The following ALPK1 variants were observed in gnomAD, a reference collection of about 807,000 sequenced individuals.
ALPK1 encodes alpha kinase 1, also known as alpha-protein kinase 1.
ALPK1 carries 110 observed loss-of-function variants against 120.6 expected under a neutral mutation model. That is an observed-to-expected ratio of 0.91 (90% CI 0.78 to 1.07). The LOEUF is 1.07. Ranked by LOEUF, ALPK1 falls within the 50% of genes least tolerant of loss-of-function variation. The probability of loss-of-function intolerance (pLI) is 0.00; values close to 1 mark genes in which losing one functional copy is unlikely to be tolerated. For synonymous variants in ALPK1, 582 were observed against 560.3 expected (o/e 1.04, Z -0.55); for missense variants, 1,498 against 1,483.9 (o/e 1.01, Z -0.16).
At chr4:112,423,804 A>G (rs1734108480) in intron 5 of ALPK1, 140 bp from the exon 6 acceptor site, 1 of 815,358 alleles carries the variant, frequency 1.2e-6, no homozygotes, top group Non-Finnish European at 2.1e-6. Flanking sequence ...GTCATTGTTG[A>G]TTTTAAATTA....
intron 3 of ALPK1, among the ~76,000 whole-genome samples, chr4:112,381,437 G>A (rs1731899222): frequency 6.6e-6 from 1 of 152,166 alleles, no homozygotes; most frequent in African/African-American, 2.4e-5. Context: ...TTTATAGCTG[G>A]CAGTCATATA....
chr4:112,438,587 A>G lies in ALPK1; in HGVS notation c.3292A>G (p.Arg1098Gly). The stretch of plus-strand genomic sequence containing the variant: ...GCACTATGTGACAGAATTTAACAAG[A>G]GACTCTATGAACAAAACATTCCCAC... Reference protein sequence around the residue: ...AQHYVTEFNKRLYEQNIPTQI... With the variant: ...AQHYVTEFNKGLYEQNIPTQI... The change falls in exon 13 of 16, where the codon AGA (arginine) becomes GGA (glycine). Residue 1098 changes from arginine to glycine, a missense_variant. Coordinates refer to ENST00000650871, the MANE Select transcript of ALPK1 (RefSeq NM_025144.4). 6.2e-7 allele frequency: 1 copy of G among 1,613,938 alleles called. No homozygotes were observed. The highest frequency in any genetic ancestry group is 8.5e-7 in the Non-Finnish European group (1 of 1,179,828).
At chr4:112,331,076 C>T (rs150354856) in intron 2 of ALPK1, among the ~76,000 whole-genome samples, 3 of 152,250 alleles carry the variant, frequency 2.0e-5, no homozygotes, top group African/African-American at 2.4e-5. Context: ...ACTATGCTGG[C>T]GTTTCAAGCA....
At chr4:112,391,243 G>A (rs1318729598) in intron 4 of ALPK1, among the ~76,000 whole-genome samples, 4 of 152,118 alleles carry the variant, frequency 2.6e-5, no homozygotes, top group African/African-American at 2.4e-5. Flanking sequence ...TTCAGCAATT[G>A]GAAGTTTTCC....
chr4:112,408,115 CAA>C (rs11320970), intron 4 of ALPK1, among the ~76,000 whole-genome samples: 3 of 145,174 alleles, frequency 2.1e-5, no homozygotes, highest in South Asian at 2.2e-4. Flanking sequence ...TCAAAAAAGA[CAA>C]AAAAAAAAAT....
intron 1 of ALPK1, among the ~76,000 whole-genome samples, chr4:112,309,806 T>C (rs758474282): frequency 3.9e-5 from 6 of 152,094 alleles, no homozygotes; most frequent in Non-Finnish European, 8.8e-5. Flanking sequence ...TTCCTTCGTT[T>C]GTGGCCTATT....
At chr4:112,403,885 G>C (rs1733039460) in intron 4 of ALPK1, among the ~76,000 whole-genome samples, 4 of 152,228 alleles carry the variant, frequency 2.6e-5, no homozygotes, top group Admixed American at 1.3e-4. Context: ...AGATTAGGCA[G>C]TGTTCTCTGC....
At chr4:112,402,204 A>G (rs1332186923) in intron 4 of ALPK1, among the ~76,000 whole-genome samples, 2 of 152,206 alleles carry the variant, frequency 1.3e-5, no homozygotes, top group Non-Finnish European at 2.9e-5. Flanking sequence ...ATGCAGCAAT[A>G]ATTTCCCTTT....
intron 2 of ALPK1, among the ~76,000 whole-genome samples, chr4:112,331,683 A>G (rs1196749142): frequency 6.6e-6 from 1 of 152,240 alleles, no homozygotes; most frequent in East Asian, 1.9e-4. Context: ...CCATAGAGAA[A>G]TTCCCATTAC....
In ALPK1 at chr4:112,426,458, T is replaced by C; in HGVS notation, c.623-9T>C. The C allele has an allele frequency of 6.2e-7, 1 of 1,610,386 alleles. No individual in the cohort carries two copies. On this transcript the variant is annotated splice_polypyrimidine_tract_variant and intron_variant, in intron 7 of 15. Coordinates refer to ENST00000650871, the MANE Select transcript of ALPK1 (RefSeq NM_025144.4). The stretch of plus-strand genomic sequence containing the variant: ...CTGTCCCTCTCCCCGCCCCTCTTTT[T>C]TTTTTCAGGGATGTGGTACGAAGCA...
In ALPK1 at chr4:112,431,517, A is replaced by G. The variant is rs1246868905; in HGVS notation, c.1970A>G (p.Asn657Ser). 2.5e-6 allele frequency: 4 copies of G among 1,614,174 alleles called. No homozygotes were observed. The highest frequency in any genetic ancestry group is 3.4e-6 in the Non-Finnish European group (4 of 1,180,042). ...TCTCTTCAGGAACCCAACAATGACAATTTGGAGCCTTCTCAAAATCAGCCA... is the reference window on the plus strand; with the variant it reads ...TCTCTTCAGGAACCCAACAATGACAGTTTGGAGCCTTCTCAAAATCAGCCA... ...DLSLQEPNNDNLEPSQNQPQQ... is the reference protein window; with the variant it reads ...DLSLQEPNNDSLEPSQNQPQQ... Residue 657 changes from asparagine to serine, a missense_variant, in exon 11 of 16, where the codon AAT becomes AGT. Physicochemically the swap from Asn to Ser is conservative, Grantham distance 46. Transcript: ENST00000650871.
At chr4:112,394,801 T>G (rs916322509) in intron 4 of ALPK1, among the ~76,000 whole-genome samples, 1 of 152,030 alleles carries the variant, frequency 6.6e-6, no homozygotes, top group Admixed American at 6.6e-5. Flanking sequence ...CCTGGAGGAG[T>G]TGATTTGACT....
intron 2 of ALPK1, among the ~76,000 whole-genome samples, chr4:112,333,657 C>T (rs1729483982): frequency 1.3e-5 from 2 of 152,162 alleles, no homozygotes; most frequent in Admixed American, 1.3e-4. Context: ...ATGTTTGACC[C>T]AAAGGAGCTA....
intron 13 of ALPK1, among the ~76,000 whole-genome samples, chr4:112,439,319 C>CT (rs1734923788): frequency 6.6e-6 from 1 of 152,170 alleles, no homozygotes; most frequent in Admixed American, 6.5e-5. Flanking sequence ...TTTGAAACAA[C>CT]TCCACAAAGC....
Position 112,431,407 on chromosome 4 carries a change from G to A in ALPK1, c.1860G>A (p.Gln620=). The A allele has an allele frequency of 6.2e-7, 1 of 1,614,216 alleles. No individual in the cohort carries two copies. Among genetic ancestry groups the A allele is most frequent in the Non-Finnish European group, 8.5e-7 (1 of 1,180,046 alleles). ...GCAAAGAACATCTGGTGGACACTCA[G>A]TGTTCCACTGCCTTGTCTGAGGAGC... ...EPGKEHLVDT[Q]CSTALSEELE... The change falls in exon 11 of 16, where the codon CAG becomes CAA. Residue 620 remains glutamine, a synonymous_variant. Coordinates refer to ENST00000650871, the MANE Select transcript of ALPK1 (RefSeq NM_025144.4).
chr4:112,437,048 G>A (rs1318618740), intron 12 of ALPK1, among the ~76,000 whole-genome samples: 3 of 152,136 alleles, frequency 2.0e-5, no homozygotes, highest in Non-Finnish European at 4.4e-5. Context: ...GAGGAAAGAA[G>A]CTGGAAGGCA....
intron 2 of ALPK1, among the ~76,000 whole-genome samples, chr4:112,374,416 T>C (rs768885572): frequency 3.9e-5 from 6 of 152,190 alleles, no homozygotes; most frequent in Non-Finnish European, 5.9e-5. Flanking sequence ...ACCACTGAAG[T>C]CTTGAACACC....
chr4:112,311,983 T>G (rs554467696), intron 1 of ALPK1, among the ~76,000 whole-genome samples: 16 of 127,944 alleles, frequency 1.3e-4, no homozygotes, highest in Non-Finnish European at 2.5e-4. Context: ...GTCACAGTGT[T>G]TTTTTTCTAA....
chr4:112,378,087 T>G (rs888831861), intron 3 of ALPK1, among the ~76,000 whole-genome samples, 189 bp downstream of exon 3: 1 of 151,728 alleles, frequency 6.6e-6, no homozygotes, highest in Non-Finnish European at 1.5e-5. Context: ...GGAAGCCCAC[T>G]TTGTTGCACT....
Sources: allele counts gnomAD v4.1 joint callset (sites outside exome capture counted in the v4.1 genomes callset), GRCh38; gene constraint gnomAD v4.1.1; transcripts MANE v1.5; gene names NCBI Gene and HGNC (gene_info 2026-07-23, HGNC 2026-07-21).